OPCML: variants seen among roughly 807,000 people sequenced by gnomAD.
The protein encoded by OPCML is opioid binding protein/cell adhesion molecule like.
Under a neutral mutation model 37.8 loss-of-function variants are expected in OPCML, and 13 were observed. The ratio of observed to expected loss-of-function variants is 0.34; its 90% CI spans 0.22 to 0.55. The LOEUF is 0.55. OPCML is among the 20% of genes least tolerant of loss of function. The pLI is 0.91. For synonymous variants in OPCML, 176 were observed against 168.8 expected (o/e 1.04, Z -0.33); for missense variants, 341 against 435.6 (o/e 0.78, Z 1.93).
chr11:133,120,946 G>A (rs1290974804), intron 1 of OPCML, among the ~76,000 whole-genome samples: 3 of 151,948 alleles, frequency 2.0e-5, no homozygotes, highest in South Asian at 2.1e-4. Context: ...TTTTTTAGAC[G>A]GAATCTTGCT....
chr11:133,219,676 A>G (rs567180635), intron 1 of OPCML, among the ~76,000 whole-genome samples: 3 of 152,236 alleles, frequency 2.0e-5, no homozygotes, highest in Admixed American at 6.5e-5. Flanking sequence ...CAAGGACTTC[A>G]CTTTGGGGAC....
intron 1 of OPCML, among the ~76,000 whole-genome samples, chr11:133,380,687 C>G (rs1944911470): frequency 6.6e-6 from 1 of 152,126 alleles, no homozygotes; most frequent in Non-Finnish European, 1.5e-5. Context: ...CACATTTATT[C>G]TAGAGAAATG....
At chr11:133,113,637 C>G (rs535545438) in intron 1 of OPCML, among the ~76,000 whole-genome samples, 1 of 152,302 alleles carries the variant, frequency 6.6e-6, no homozygotes, top group African/African-American at 2.4e-5. Flanking sequence ...CAAACACTAG[C>G]AATAATTAAC....
intron 1 of OPCML, among the ~76,000 whole-genome samples, chr11:133,153,567 C>T (rs1439330391): frequency 6.6e-6 from 1 of 152,176 alleles, no homozygotes; most frequent in African/African-American, 2.4e-5. Flanking sequence ...CTTTCTGACA[C>T]TAGCCAACCT....
At chr11:132,666,723 T>G (rs1942242602) in intron 2 of OPCML, among the ~76,000 whole-genome samples, 1 of 152,160 alleles carries the variant, frequency 6.6e-6, no homozygotes, top group Non-Finnish European at 1.5e-5. Flanking sequence ...GGCAGCCATG[T>G]GGGGTCTGGG....
Position 133,118,418 on chromosome 11 carries a change from T to C in OPCML, c.62-175408A>G, listed in dbSNP as rs1428553915. The C allele has an allele frequency of 3.0e-6, 3 of 985,210 alleles. No homozygotes were observed. In the African/African-American group the frequency reaches 5.2e-5, roughly 17 times the overall value. 61.0% of individuals were successfully genotyped at this position (985,210 alleles called of 1,614,324 possible). ...TGTGTCAGGGCTGGCCTTCCTTTCA[T>C]GGAGTTTACACAATGGTCCTGATTA... is the stretch of plus-strand genomic sequence containing the variant. On this transcript the variant is annotated intron_variant, in intron 1 of 7. Transcript: ENST00000524381.
intron 1 of OPCML, among the ~76,000 whole-genome samples, chr11:133,259,052 C>T (rs577920299): frequency 1.2e-4 from 19 of 152,300 alleles, no homozygotes; most frequent in African/African-American, 2.4e-4. Context: ...GACAGCCTCA[C>T]CTCAGACTTT....
chr11:133,242,877 G>A (rs925526141), intron 1 of OPCML, among the ~76,000 whole-genome samples: 1 of 152,154 alleles, frequency 6.6e-6, no homozygotes, highest in African/African-American at 2.4e-5. Context: ...GCTTGTGATT[G>A]TTTTATTTTT....
At chr11:132,719,428 T>A (rs1944603344) in intron 2 of OPCML, among the ~76,000 whole-genome samples, 1 of 152,104 alleles carries the variant, frequency 6.6e-6, no homozygotes, top group Non-Finnish European at 1.5e-5. Flanking sequence ...GCTCCAGACA[T>A]GGGGGAGGGG....
intron 1 of OPCML, among the ~76,000 whole-genome samples, chr11:133,240,352 T>A (rs1940682879): frequency 6.6e-6 from 1 of 152,162 alleles, no homozygotes; most frequent in Admixed American, 6.5e-5. Flanking sequence ...AAGGCTAAGC[T>A]TTCCCCAAGA....
At chr11:132,965,543 G>A (rs1216582683) in intron 1 of OPCML, among the ~76,000 whole-genome samples, 1 of 151,890 alleles carries the variant, frequency 6.6e-6, no homozygotes, top group Non-Finnish European at 1.5e-5. Flanking sequence ...TTGTTTGTTT[G>A]TTTTCTTTTT....
chr11:133,034,070 G>A (rs762993933), intron 1 of OPCML, among the ~76,000 whole-genome samples: 2 of 152,194 alleles, frequency 1.3e-5, no homozygotes, highest in South Asian at 2.1e-4. Context: ...TAGGCACAGT[G>A]TGAAAGAGCT....
intron 1 of OPCML, among the ~76,000 whole-genome samples, chr11:133,235,932 C>G (rs1019361915): frequency 6.6e-6 from 1 of 152,198 alleles, no homozygotes; most frequent in Non-Finnish European, 1.5e-5. Flanking sequence ...ACAATACCTT[C>G]CCTGTTATCA....
chr11:132,900,180 T>A (rs959740772), intron 2 of OPCML, among the ~76,000 whole-genome samples: 1 of 152,176 alleles, frequency 6.6e-6, no homozygotes, highest in African/African-American at 2.4e-5. Flanking sequence ...CCACAGCAAG[T>A]TCATAATGGA....
At chr11:132,904,177 T>C (rs777579415) in intron 2 of OPCML, among the ~76,000 whole-genome samples, 1 of 152,162 alleles carries the variant, frequency 6.6e-6, no homozygotes, top group Non-Finnish European at 1.5e-5. Context: ...TTTTTTGAGC[T>C]TATTGGTTGT....
At chr11:132,777,756 G>C (rs930882410) in intron 2 of OPCML, among the ~76,000 whole-genome samples, 2 of 152,018 alleles carry the variant, frequency 1.3e-5, no homozygotes, top group Non-Finnish European at 2.9e-5. Context: ...AGCGGGAGAG[G>C]TTGGGAGCTA....
chr11:133,020,250 T>G (rs1209573565), intron 1 of OPCML, among the ~76,000 whole-genome samples: 1 of 152,214 alleles, frequency 6.6e-6, no homozygotes, highest in Non-Finnish European at 1.5e-5. Flanking sequence ...CCCATCTCAA[T>G]GAGGCAGGCC....
intron 2 of OPCML, among the ~76,000 whole-genome samples, chr11:132,839,875 G>C (rs1253109166): frequency 1.3e-5 from 2 of 152,198 alleles, no homozygotes; most frequent in Non-Finnish European, 1.5e-5. Context: ...TCGACTGCCT[G>C]AGTGGAGGGT....
intron 2 of OPCML, among the ~76,000 whole-genome samples, chr11:132,831,336 G>A (rs1197497869): frequency 1.3e-5 from 2 of 152,130 alleles, no homozygotes; most frequent in African/African-American, 4.8e-5. Context: ...ACTCTTGGAA[G>A]AAACCAGGTA....
Sources: allele counts gnomAD v4.1 joint callset (sites outside exome capture counted in the v4.1 genomes callset), GRCh38; gene constraint gnomAD v4.1.1; transcripts MANE v1.5; gene names NCBI Gene and HGNC (gene_info 2026-07-23, HGNC 2026-07-21).